PLA2G4A: variants seen among roughly 807,000 people sequenced by gnomAD.
PLA2G4A encodes the protein phospholipase A2 group IVA.
PLA2G4A carries 40 observed loss-of-function variants against 81.9 expected under a neutral mutation model. The observed-to-expected ratio is 0.49, with a 90% CI of 0.38 to 0.64. The LOEUF is 0.64. Ranked by LOEUF, PLA2G4A falls within the 30% of genes least tolerant of loss-of-function variation. The probability of loss-of-function intolerance (pLI) is 0.00; values close to 1 mark genes in which losing one functional copy is unlikely to be tolerated. For missense variants in PLA2G4A, 715 were observed against 905.1 expected (o/e 0.79, Z 2.69); for synonymous variants, 302 against 296.9 (o/e 1.02, Z -0.18).
intron 3 of PLA2G4A, among the ~76,000 whole-genome samples, chr1:186,875,890 G>C (rs966152132): frequency 6.6e-6 from 1 of 152,126 alleles, no homozygotes; most frequent in Non-Finnish European, 1.5e-5. Context: ...AAATATGGCT[G>C]TTCTCCCAAA....
At chr1:186,973,493 C>T (rs1341973285) in intron 15 of PLA2G4A, among the ~76,000 whole-genome samples, 2 of 152,076 alleles carry the variant, frequency 1.3e-5, no homozygotes, top group East Asian at 1.9e-4. Context: ...TTCACAGGGC[C>T]GAGGGATTAG....
intron 15 of PLA2G4A, among the ~76,000 whole-genome samples, chr1:186,969,208 T>C (rs1225856224): frequency 6.6e-6 from 1 of 151,768 alleles, no homozygotes; most frequent in Non-Finnish European, 1.5e-5. Context: ...TTCTTTCTTA[T>C]AATTTTAAAA....
At chr1:186,941,681 T>C (rs1394274828) in intron 10 of PLA2G4A, among the ~76,000 whole-genome samples, 1 of 152,202 alleles carries the variant, frequency 6.6e-6, no homozygotes, top group Non-Finnish European at 1.5e-5. Flanking sequence ...GATTACCGTC[T>C]ATATAGATTG....
chr1:186,870,107 C>T (rs1653198320), intron 2 of PLA2G4A, among the ~76,000 whole-genome samples: 2 of 152,036 alleles, frequency 1.3e-5, no homozygotes, highest in Admixed American at 6.6e-5. Context: ...CTTTATAAGC[C>T]AGGGCTTCCT....
intron 3 of PLA2G4A, among the ~76,000 whole-genome samples, chr1:186,879,177 A>AT (rs1358874856): frequency 6.6e-6 from 1 of 151,944 alleles, no homozygotes; most frequent in Admixed American, 6.6e-5. Flanking sequence ...ATATATCAAT[A>AT]TATTTTAATG....
chr1:186,881,128 T>C (rs1653715267), intron 3 of PLA2G4A, among the ~76,000 whole-genome samples: 1 of 152,070 alleles, frequency 6.6e-6, no homozygotes, highest in African/African-American at 2.4e-5. Context: ...CTTGCTGACA[T>C]CCATTTGACT....
At chr1:186,894,995 C>T (rs77870085) in intron 5 of PLA2G4A, among the ~76,000 whole-genome samples, 25 of 152,178 alleles carry the variant, frequency 1.6e-4, no homozygotes, top group Non-Finnish European at 3.4e-4. Flanking sequence ...AATGACTTTC[C>T]AAGTCCCTAC....
intron 1 of PLA2G4A, among the ~76,000 whole-genome samples, chr1:186,837,911 C>A (rs574146425): frequency 6.6e-6 from 1 of 152,070 alleles, no homozygotes; most frequent in Admixed American, 6.5e-5. Flanking sequence ...ACATTGCCTC[C>A]TTTGTGGCAG....
Position 186,917,742 on chromosome 1 carries a change from C to A in PLA2G4A, c.558+6353C>A, listed in dbSNP as rs577046965. ...CCTCCACCCACCCAGAGTAAGTACA[C>A]GTAAGAACCAGCAAATACTTGTTAC... On this transcript the variant is annotated intron_variant, in intron 7 of 17. Transcript: ENST00000367466. 6.6e-5 allele frequency among the ~76,000 whole-genome samples: 10 copies of A among 152,310 alleles called. No homozygotes were observed. In the South Asian group the frequency reaches 1.5e-3, roughly 22 times the overall value.
chr1:186,830,837 G>T (rs189401494), intron 1 of PLA2G4A, among the ~76,000 whole-genome samples: 5 of 151,838 alleles, frequency 3.3e-5, no homozygotes, highest in Admixed American at 1.3e-4. Context: ...TATGTTCCAG[G>T]AATAAAAAAG....
chr1:186,870,841 T>A, intron 3 of PLA2G4A: 1 of 708,782 alleles, frequency 1.4e-6, no homozygotes, highest in Non-Finnish European at 2.4e-6. Flanking sequence ...TCTGCCTTCT[T>A]CAAATGTGGT....
At chr1:186,936,269 A>G (rs1655940662) in intron 8 of PLA2G4A, among the ~76,000 whole-genome samples, 1 of 151,986 alleles carries the variant, frequency 6.6e-6, no homozygotes, top group Admixed American at 6.6e-5. Flanking sequence ...AGAACAATGA[A>G]AAAAGAAACA....
chr1:186,851,933 A>G (rs958565333), intron 1 of PLA2G4A, among the ~76,000 whole-genome samples: 3 of 152,010 alleles, frequency 2.0e-5, no homozygotes, highest in African/African-American at 7.2e-5. Context: ...ATTGATTAAC[A>G]GTGTAAGACA....
In PLA2G4A at chr1:186,962,715, T is replaced by C. The variant is rs866098815; in HGVS notation, c.1580-2694T>C. Among the ~76,000 whole-genome samples the C allele has an allele frequency of 9.6e-4, 146 of 151,978 alleles. 1 individual carries two copies. Among genetic ancestry groups the C allele is most frequent in the African/African-American group, 3.3e-3 (135 of 41,472 alleles). On this transcript the variant is annotated intron_variant, in intron 14 of 17. Coordinates refer to ENST00000367466, the MANE Select transcript of PLA2G4A (RefSeq NM_024420.3). ...TTTTGTATTTTTAGTAGAGACGGGGTTTCACCGTGTTAGTCAGGATGGTCT... is the reference window on the plus strand; with the variant it reads ...TTTTGTATTTTTAGTAGAGACGGGGCTTCACCGTGTTAGTCAGGATGGTCT...
intron 3 of PLA2G4A, among the ~76,000 whole-genome samples, chr1:186,888,935 A>G (rs1654035526): frequency 6.6e-6 from 1 of 152,194 alleles, no homozygotes. Flanking sequence ...AATTTGAAGC[A>G]TTAATTGAAT....
At chr1:186,933,752 A>G (rs1655834373) in intron 8 of PLA2G4A, among the ~76,000 whole-genome samples, 1 of 152,168 alleles carries the variant, frequency 6.6e-6, no homozygotes, top group South Asian at 2.1e-4. Flanking sequence ...TGAGATGGGT[A>G]TGAATTTATT....
chr1:186,980,049 G>A (rs1657668697), intron 17 of PLA2G4A, among the ~76,000 whole-genome samples: 1 of 141,482 alleles, frequency 7.1e-6, no homozygotes, highest in African/African-American at 2.6e-5. Flanking sequence ...CCAGGTTCAC[G>A]CCATTCTCCT....
intron 2 of PLA2G4A, among the ~76,000 whole-genome samples, chr1:186,858,197 G>A (rs1223081353): frequency 3.3e-5 from 5 of 152,070 alleles, no homozygotes; most frequent in Admixed American, 1.3e-4. Context: ...CTTCCACAAT[G>A]GTTGAACTAG....
intron 10 of PLA2G4A, among the ~76,000 whole-genome samples, chr1:186,943,617 C>T (rs942121804): frequency 6.6e-6 from 1 of 151,810 alleles, no homozygotes; most frequent in African/African-American, 2.4e-5. Context: ...GGATTTAAGT[C>T]GAATGTAGAA....
Sources: allele counts gnomAD v4.1 joint callset (sites outside exome capture counted in the v4.1 genomes callset), GRCh38; gene constraint gnomAD v4.1.1; transcripts MANE v1.5; gene names NCBI Gene and HGNC (gene_info 2026-07-23, HGNC 2026-07-21).